Variants in TAX1BP1 observed in about 807,000 individuals in gnomAD.
TAX1BP1 encodes the protein Tax1 binding protein 1, also known as tax1-binding protein 1.
In TAX1BP1, 62 loss-of-function variants were observed where a neutral mutation model predicts 97.7. The observed-to-expected ratio is 0.63, with a 90% confidence interval of 0.52 to 0.78. The LOEUF is 0.78. Ranked by LOEUF, TAX1BP1 falls within the 30% of genes least tolerant of loss-of-function variation. TAX1BP1 has a pLI of 0.00. For synonymous variants in TAX1BP1, 340 were observed against 304.2 expected (o/e 1.12, Z -1.23); for missense variants, 867 against 916.1 (o/e 0.95, Z 0.69).
intron 15 of TAX1BP1, among the ~76,000 whole-genome samples, chr7:27,817,878 A>G (rs1236909858): frequency 6.6e-6 from 1 of 152,130 alleles, no homozygotes; most frequent in Non-Finnish European, 1.5e-5. Flanking sequence ...TTTAATTGCT[A>G]TTAACCTTTG....
At chr7:27,802,449 T>C (rs896520799) in intron 13 of TAX1BP1, among the ~76,000 whole-genome samples, 10 of 152,196 alleles carry the variant, frequency 6.6e-5, no homozygotes, top group African/African-American at 2.2e-4. Context: ...CATTGAAGAA[T>C]GATTTTATTT....
At chr7:27,806,609 A>C (rs912135827) in intron 13 of TAX1BP1, among the ~76,000 whole-genome samples, 3 of 152,072 alleles carry the variant, frequency 2.0e-5, no homozygotes, top group African/African-American at 7.2e-5. Context: ...TGTTCCATTG[A>C]TCTGTCTACT....
At chr7:27,794,236 G>A in intron 10 of TAX1BP1, 87 bp from the exon 11 acceptor site, 1 of 1,188,114 alleles carries the variant, frequency 8.4e-7, no homozygotes, top group Non-Finnish European at 1.1e-6. Flanking sequence ...AAAGTAATAT[G>A]TAAAAATATT....
In TAX1BP1 at chr7:27,748,498, G is replaced by C. The variant is rs181574613; in HGVS notation, c.-7-20G>C. ...ATTCTTAGTTGGTATAATTTAACTT[G>C]TATGAATTACTTGTTTCAGATTCAC... On this transcript the variant is annotated intron_variant, in intron 1 of 16. Transcript: ENST00000396319. 2 of 1,540,482 alleles carry C rather than the reference G, an allele frequency of 1.3e-6. No individual in the cohort carries two copies. The highest frequency in any genetic ancestry group is 1.4e-5 in the African/African-American group (1 of 73,410).
intron 5 of TAX1BP1, among the ~76,000 whole-genome samples, chr7:27,782,208 A>G (rs899306179): frequency 2.0e-5 from 3 of 151,954 alleles, no homozygotes; most frequent in Non-Finnish European, 4.4e-5. Context: ...TTTCCATTTT[A>G]AAAACTTTTT....
intron 13 of TAX1BP1, among the ~76,000 whole-genome samples, chr7:27,801,633 G>A (rs1386256361): frequency 6.6e-6 from 1 of 152,176 alleles, no homozygotes; most frequent in African/African-American, 2.4e-5. Context: ...TAGAGTGCTA[G>A]AAGTGTAATG....
chr7:27,785,955 A>G (rs1789461863), intron 7 of TAX1BP1, among the ~76,000 whole-genome samples: 1 of 152,162 alleles, frequency 6.6e-6, no homozygotes. Context: ...ATACTTGTTT[A>G]TCACAATTCA....
chr7:27,762,583 G>A (rs1197834833), intron 3 of TAX1BP1, among the ~76,000 whole-genome samples: 4 of 152,006 alleles, frequency 2.6e-5, no homozygotes, highest in African/African-American at 9.7e-5. Flanking sequence ...TGTTTATTAG[G>A]GACTTAGGAG....
At chr7:27,808,389 CAA>C (rs1301854150) in intron 13 of TAX1BP1, among the ~76,000 whole-genome samples, 3 of 152,164 alleles carry the variant, frequency 2.0e-5, no homozygotes, top group Non-Finnish European at 2.9e-5. Context: ...TATATTTACT[CAA>C]GTGTTGAATA....
intron 11 of TAX1BP1, 134 bp from the exon 12 acceptor site, chr7:27,795,982 G>C: frequency 6.4e-6 from 4 of 626,524 alleles, no homozygotes; most frequent in Non-Finnish European, 1.1e-5. Context: ...TCTAGGATAT[G>C]AATAGATATT....
rs1488264016 is a variant in TAX1BP1, at chr7:27,740,236, A to C, written c.-41A>C. 2 of 152,276 alleles carry C rather than the reference A, an allele frequency of 1.3e-5. No homozygotes were observed. Among genetic ancestry groups the C allele is most frequent in the African/African-American group, 4.8e-5 (2 of 41,410 alleles). 9.4% of individuals were successfully genotyped at this position (152,276 alleles called of 1,614,324 possible). A position where few individuals can be genotyped will look rare whatever the true frequency, so the allele number is the denominator to read the frequency against. On this transcript the variant is annotated 5_prime_UTR_variant, in exon 1 of 17. It removes the in-frame stop codon of an upstream open reading frame in the 5' UTR. Coordinates refer to ENST00000396319, the MANE Select transcript of TAX1BP1 (RefSeq NM_006024.7). ...CGGATCAGGATCGGAAGCCTGCGTA[A>C]CTTTCTCCCTTGATCCGGGAGTCTT...
chr7:27,769,879 C>T (rs764977122), intron 5 of TAX1BP1, 45 bp downstream of exon 5: 1 of 1,576,210 alleles, frequency 6.3e-7, no homozygotes, highest in Non-Finnish European at 8.6e-7. Flanking sequence ...TAGTATATTG[C>T]CTGAAACCCA....
intron 8 of TAX1BP1, among the ~76,000 whole-genome samples, chr7:27,789,750 A>C (rs190701777): frequency 6.6e-6 from 1 of 152,124 alleles, no homozygotes; most frequent in East Asian, 1.9e-4. Flanking sequence ...AAAAATACTC[A>C]GACATAGTTA....
intron 4 of TAX1BP1, among the ~76,000 whole-genome samples, chr7:27,767,497 C>T (rs1221990740): frequency 3.3e-5 from 5 of 151,974 alleles, no homozygotes; most frequent in Admixed American, 2.6e-4. Flanking sequence ...TACAGAAATT[C>T]CTCTCTTATC....
At chr7:27,778,717 G>C (rs931742136) in intron 5 of TAX1BP1, among the ~76,000 whole-genome samples, 5 of 152,024 alleles carry the variant, frequency 3.3e-5, no homozygotes. Context: ...ACAAAAATTA[G>C]CTGAGTGTGG....
intron 5 of TAX1BP1, among the ~76,000 whole-genome samples, chr7:27,772,731 T>C (rs1357006313): frequency 6.6e-6 from 1 of 152,084 alleles, no homozygotes; most frequent in Non-Finnish European, 1.5e-5. Flanking sequence ...TTACAACAGA[T>C]TGGTTTAAAT....
Position 27,829,075 on chromosome 7 carries a change from A to T in TAX1BP1, c.*246A>T, listed in dbSNP as rs977696486. ...AAAGTTCTTGTGTGTTCGTATCTTTATTTATTCCCTAGTTTGCAGAACTGT... is the reference window on the plus strand; with the variant it reads ...AAAGTTCTTGTGTGTTCGTATCTTTTTTTATTCCCTAGTTTGCAGAACTGT... On this transcript the variant is annotated 3_prime_UTR_variant, in exon 17 of 17. Transcript: ENST00000396319. 2.7e-6 allele frequency: 1 copy of T among 376,840 alleles called. No individual in the cohort carries two copies. Among genetic ancestry groups the T allele is most frequent in the Admixed American group, 4.2e-5 (1 of 23,632 alleles). 23.3% of individuals were successfully genotyped at this position (376,840 alleles called of 1,614,324 possible). A position where few individuals can be genotyped will look rare whatever the true frequency, so the allele number is the denominator to read the frequency against.
intron 1 of TAX1BP1, among the ~76,000 whole-genome samples, chr7:27,747,806 C>A (rs1391093049): frequency 6.6e-6 from 1 of 151,688 alleles, no homozygotes; most frequent in Non-Finnish European, 1.5e-5. Flanking sequence ...TTCGTATACA[C>A]ACCCACAGAC....
chr7:27,784,735 A>C (rs1259974967), intron 5 of TAX1BP1, among the ~76,000 whole-genome samples: 1 of 152,140 alleles, frequency 6.6e-6, no homozygotes, highest in Non-Finnish European at 1.5e-5. Context: ...TCATGCCTGT[A>C]GTCCCAGCAC....
Sources: allele counts gnomAD v4.1 joint callset (sites outside exome capture counted in the v4.1 genomes callset), GRCh38; gene constraint gnomAD v4.1.1; transcripts MANE v1.5; gene names NCBI Gene and HGNC (gene_info 2026-07-23, HGNC 2026-07-21).